BRD4: variants seen among roughly 807,000 people sequenced by gnomAD.
The protein encoded by BRD4 is bromodomain-containing protein 4.
In BRD4, 16 loss-of-function variants were observed where a neutral mutation model predicts 142.1. The ratio of observed to expected loss-of-function variants is 0.11; its 90% confidence interval spans 0.08 to 0.17. The LOEUF is 0.17. Among genes scored for constraint, BRD4 ranks in the 10% least tolerant of loss-of-function variants. The pLI is 1.00. For synonymous variants in BRD4, 833 were observed against 707.5 expected (o/e 1.18, Z -2.82); for missense variants, 1,424 against 1,810.9 (o/e 0.79, Z 3.88).
intron 4 of BRD4, among the ~76,000 whole-genome samples, chr19:15,266,041 G>A (rs2047530978): frequency 6.6e-6 from 1 of 152,224 alleles, no homozygotes; most frequent in Non-Finnish European, 1.5e-5. Flanking sequence ...TTCTGGCAGG[G>A]AGCCGGCAGT....
intron 1 of BRD4, among the ~76,000 whole-genome samples, chr19:15,316,112 C>T (rs1443951477): frequency 6.9e-6 from 1 of 144,058 alleles, no homozygotes; most frequent in African/African-American, 2.6e-5. Flanking sequence ...GCCGAGATCG[C>T]GCCACTGCAC....
At chr19:15,267,780 C>A (rs1365769632) in intron 3 of BRD4, among the ~76,000 whole-genome samples, 1 of 152,244 alleles carries the variant, frequency 6.6e-6, no homozygotes, top group Non-Finnish European at 1.5e-5. Flanking sequence ...GCACCTCCCT[C>A]ATCTTTTAAG....
Position 15,244,380 on chromosome 19 carries a change from T to G in BRD4, c.2432A>C (p.Gln811Pro). ...GGGGTCAAAGACGCTGCCTGGGAGC[T>G]GGGGCTCCAGGACGGGCACCTGGGT... is the stretch of plus-strand genomic sequence containing the variant. Reference protein sequence around the residue: ...IATQVPVLEPQLPGSVFDPIG... With the variant: ...IATQVPVLEPPLPGSVFDPIG... The change falls in exon 13 of 20, where the codon CAG (glutamine) becomes CCG (proline). Residue 811 changes from glutamine to proline, a missense_variant. Gln to Pro is a moderately conservative substitution (Grantham distance 76, BLOSUM62 -1). Transcript: ENST00000679869. 1 of 1,432,048 alleles carries G rather than the reference T, an allele frequency of 7.0e-7. No homozygotes were observed. 88.7% of individuals were successfully genotyped at this position (1,432,048 alleles called of 1,614,324 possible). A position where few individuals can be genotyped will look rare whatever the true frequency, so the allele number is the denominator to read the frequency against.
chr19:15,288,994 TAC>T (rs1236856129), intron 1 of BRD4, among the ~76,000 whole-genome samples: 1 of 152,204 alleles, frequency 6.6e-6, no homozygotes, highest in Non-Finnish European at 1.5e-5. Flanking sequence ...CAAAGTCAGC[TAC>T]AGTCTCTTGG....
At position 15,263,670 on chromosome 19, in the gene BRD4, A is replaced by C. The variant is rs999270587; in HGVS notation, c.1213-122T>G. 13 of 1,303,388 alleles carry C rather than the reference A, an allele frequency of 1.0e-5. No homozygotes were observed. The African/African-American group carries it at 1.6e-4, about 16-fold the overall frequency. The allele number at this position is 1,303,388 out of a possible 1,614,324, so 80.7% of individuals were successfully genotyped here. A position where few individuals can be genotyped will look rare whatever the true frequency, so the allele number is the denominator to read the frequency against. On this transcript the variant is annotated intron_variant, in intron 6 of 19. Transcript: ENST00000679869. ...TGGTTTCTTGGCTCTCAGTTTGGTC[A>C]AGACTCTAGTGGGGGGACAGGCCAT...
chr19:15,309,104 A>C (rs2047943294), intron 1 of BRD4, among the ~76,000 whole-genome samples: 1 of 152,082 alleles, frequency 6.6e-6, no homozygotes, highest in African/African-American at 2.4e-5. Context: ...TGGGAGGCTG[A>C]GGCGAGCAGA....
At chr19:15,321,921 C>A (rs117889790) in intron 1 of BRD4, among the ~76,000 whole-genome samples, 18 of 152,046 alleles carry the variant, frequency 1.2e-4, no homozygotes, top group Non-Finnish European at 2.4e-4. Flanking sequence ...AGGGAAGAAA[C>A]GAAACTAAAG....
At chr19:15,263,391 G>C in intron 7 of BRD4, 29 bp downstream of exon 7, 1 of 1,608,346 alleles carries the variant, frequency 6.2e-7, no homozygotes, top group South Asian at 1.1e-5. Context: ...CTGCTCTGCT[G>C]AGGGTGGCTG....
At position 15,285,624 on chromosome 19, in the gene BRD4, C is replaced by T. The variant is rs375492674; in HGVS notation, c.-34-12491G>A. 2.0e-5 allele frequency among the ~76,000 whole-genome samples: 3 copies of T among 152,072 alleles called. No individual in the cohort carries two copies. In the East Asian group the frequency reaches 5.8e-4, roughly 29 times the overall value. ...AAGGTGCATCACACATAAATAAAGC[C>T]TTAGACTAGGGTCTAGCATACAGAA... On this transcript the variant is annotated intron_variant, in intron 1 of 19. Coordinates refer to ENST00000679869, the MANE Select transcript of BRD4 (RefSeq NM_001379291.1).
chr19:15,315,583 G>A (rs2048009959), intron 1 of BRD4, among the ~76,000 whole-genome samples: 1 of 152,176 alleles, frequency 6.6e-6, no homozygotes, highest in South Asian at 2.1e-4. Context: ...GGCCGGGCAT[G>A]GTGGCTCACG....
chr19:15,285,015 C>G (rs1024504083), intron 1 of BRD4, among the ~76,000 whole-genome samples: 1 of 152,184 alleles, frequency 6.6e-6, no homozygotes, highest in Non-Finnish European at 1.5e-5. Flanking sequence ...TGTGCACACC[C>G]TTCCTCCTCT....
At chr19:15,252,657 G>A (rs1042185548) in intron 11 of BRD4, among the ~76,000 whole-genome samples, 2 of 152,250 alleles carry the variant, frequency 1.3e-5, no homozygotes, top group African/African-American at 4.8e-5. Flanking sequence ...TGTGGGGAGA[G>A]TAACGGTTAG....
intron 1 of BRD4, among the ~76,000 whole-genome samples, chr19:15,329,064 C>A (rs1253951620): frequency 1.3e-5 from 2 of 151,666 alleles, no homozygotes; most frequent in Non-Finnish European, 2.9e-5. Context: ...TGAGCCACCA[C>A]GCCCGGCGCA....
At chr19:15,295,212 T>A (rs2047813579) in intron 1 of BRD4, among the ~76,000 whole-genome samples, 1 of 152,182 alleles carries the variant, frequency 6.6e-6, no homozygotes, top group East Asian at 1.9e-4. Flanking sequence ...ACTGTATCCC[T>A]AGCACCTCAT....
At chr19:15,329,743 A>T (rs1359277765) in intron 1 of BRD4, among the ~76,000 whole-genome samples, 1 of 152,192 alleles carries the variant, frequency 6.6e-6, no homozygotes, top group Non-Finnish European at 1.5e-5. Context: ...TCTCAAAAAA[A>T]TAAAAAATAA....
At chr19:15,282,256 A>G (rs1429471741) in intron 1 of BRD4, among the ~76,000 whole-genome samples, 1 of 152,252 alleles carries the variant, frequency 6.6e-6, no homozygotes, top group Non-Finnish European at 1.5e-5. Context: ...CCTGCAGGCC[A>G]TAGTTTGCAG....
intron 1 of BRD4, among the ~76,000 whole-genome samples, chr19:15,329,599 C>A (rs1256160952): frequency 3.9e-5 from 6 of 152,068 alleles, no homozygotes; most frequent in Admixed American, 3.9e-4. Flanking sequence ...ATTAGCTGGG[C>A]GTGGCGGCGC....
At chr19:15,258,294 T>C (rs934604620) in intron 7 of BRD4, among the ~76,000 whole-genome samples, 3 of 152,124 alleles carry the variant, frequency 2.0e-5, no homozygotes, top group African/African-American at 7.2e-5. Context: ...TTCCCTCCCC[T>C]CCAGGACACC....
chr19:15,272,756 G>A, intron 2 of BRD4, 59 bp downstream of exon 2: 1 of 1,524,172 alleles, frequency 6.6e-7, no homozygotes. Flanking sequence ...CCCTGACCAG[G>A]AGACATGCAG....
Sources: allele counts gnomAD v4.1 joint callset (sites outside exome capture counted in the v4.1 genomes callset), GRCh38; gene constraint gnomAD v4.1.1; transcripts MANE v1.5; gene names NCBI Gene and HGNC (gene_info 2026-07-23, HGNC 2026-07-21).